Variants in CACNA1I observed in about 807,000 individuals in gnomAD.
CACNA1I encodes the protein voltage-dependent T-type calcium channel subunit alpha-1I.
A neutral mutation model predicts 201.6 loss-of-function variants in CACNA1I; 74 were observed. That is an observed-to-expected ratio of 0.37 (90% CI 0.30 to 0.45). The LOEUF is 0.45. CACNA1I is among the 20% of genes least tolerant of loss of function. CACNA1I has a pLI of 1.00. For missense variants in CACNA1I, 2,346 were observed against 3,138.1 expected (o/e 0.75, Z 6.03); for synonymous variants, 1,431 against 1,345.2 (o/e 1.06, Z -1.40).
Position 39,658,269 on chromosome 22 carries a change from TACA to T in CACNA1I, c.2114_2116del (p.Asn705del). The T allele has an allele frequency of 6.2e-7, 1 of 1,613,870 alleles. No individual in the cohort carries two copies. The highest frequency in any genetic ancestry group is 8.5e-7 in the Non-Finnish European group (1 of 1,179,866). On this transcript the variant is annotated inframe_deletion, in exon 11 of 37. Transcript: ENST00000402142. ...GCTCTTCGACTACCTGCGTAACCCC[TACA>T]ACATCTTCGACAGCATCATTGTCAT...
At chr22:39,653,835 G>T (rs890942705) in intron 10 of CACNA1I, among the ~76,000 whole-genome samples, 1 of 152,234 alleles carries the variant, frequency 6.6e-6, no homozygotes, top group Admixed American at 6.5e-5. Flanking sequence ...GGCAGCAGAT[G>T]CTGTTTCTTG....
At position 39,662,071 on chromosome 22, in the gene CACNA1I, A is replaced by G; in HGVS notation, c.3008A>G (p.His1003Arg). 6.5e-7 allele frequency: 1 copy of G among 1,549,746 alleles called. No homozygotes were observed. The highest frequency in any genetic ancestry group is 8.7e-7 in the Non-Finnish European group (1 of 1,151,768). Residue 1003 changes from histidine (H) to arginine (R), a missense_variant, in exon 17 of 37, where the codon CAT (histidine) becomes CGT (arginine). By Grantham distance (29) the His-to-Arg change is conservative. Coordinates refer to ENST00000402142, the MANE Select transcript of CACNA1I (RefSeq NM_021096.4). ...AAGCACAAGCCGCCGTCGGCGGAGC[A>G]TGAGTCCCTGCTCTCTGCGGAGCGC... ...SLKHKPPSAE[H>R]ESLLSAERGG...
chr22:39,592,232 G>A (rs1932830700), intron 1 of CACNA1I, among the ~76,000 whole-genome samples: 2 of 152,208 alleles, frequency 1.3e-5, no homozygotes, highest in Non-Finnish European at 2.9e-5. Context: ...CTCCATCTGT[G>A]TTCCTCAAAG....
At chr22:39,603,305 C>A (rs546233548) in intron 3 of CACNA1I, among the ~76,000 whole-genome samples, 3 of 152,170 alleles carry the variant, frequency 2.0e-5, no homozygotes, top group Non-Finnish European at 2.9e-5. Flanking sequence ...TGCCTTTCCC[C>A]TTTTCTTTCA....
chr22:39,627,241 C>G (rs1352681431), intron 4 of CACNA1I, among the ~76,000 whole-genome samples: 1 of 152,234 alleles, frequency 6.6e-6, no homozygotes, highest in Non-Finnish European at 1.5e-5. Context: ...CCTTCCATCT[C>G]CCCCCTCAGC....
rs1271567323 is a variant in CACNA1I, at chr22:39,646,672, G to A, written c.1253G>A (p.Arg418His). 5 of 1,582,208 alleles carry A rather than the reference G, an allele frequency of 3.2e-6. No homozygotes were observed. The African/African-American group carries it at 4.0e-5, about 13-fold the overall frequency. The change falls in exon 8 of 37, where the codon CGC (arginine) becomes CAC (histidine). Residue 418 changes from arginine (R) to histidine (H), a missense_variant. Transcript: ENST00000402142. Reference sequence around the variant, plus strand: ...CGGCTGATGCTGGAGCAGCGGCAGCGCTACCTGTCCTCCAGCACGGTGGCC... The same window carrying A: ...CGGCTGATGCTGGAGCAGCGGCAGCACTACCTGTCCTCCAGCACGGTGGCC... ...EHRLMLEQRQ[R>H]YLSSSTVASY... is the part of the protein sequence containing the mutation.
Position 39,618,365 on chromosome 22 carries a change from G to A in CACNA1I, c.483-945G>A, listed in dbSNP as rs959652331. On this transcript the variant is annotated intron_variant, in intron 3 of 36. Transcript: ENST00000402142. ...TGTTTGTGGGTGTGTGGTTGTGTGC[G>A]TGTGTGACTGTGTGCATGGGTGTGA... 2.0e-5 allele frequency among the ~76,000 whole-genome samples: 3 copies of A among 151,578 alleles called. No individual in the cohort carries two copies. In the East Asian group the frequency reaches 5.8e-4, roughly 29 times the overall value.
chr22:39,600,975 A>G (rs928753993), intron 3 of CACNA1I, among the ~76,000 whole-genome samples: 32 of 152,128 alleles, frequency 2.1e-4, no homozygotes, highest in African/African-American at 7.0e-4. Flanking sequence ...CGTCAAAATG[A>G]GCACCCAATA....
chr22:39,626,883 T>C (rs937474027), intron 4 of CACNA1I, among the ~76,000 whole-genome samples: 1 of 152,232 alleles, frequency 6.6e-6, no homozygotes, highest in Non-Finnish European at 1.5e-5. Flanking sequence ...GACAAGCTCA[T>C]CACAGTGCTT....
At chr22:39,621,715 G>C (rs1933749035) in intron 4 of CACNA1I, among the ~76,000 whole-genome samples, 1 of 152,120 alleles carries the variant, frequency 6.6e-6, no homozygotes, top group African/African-American at 2.4e-5. Flanking sequence ...AGGGTCTTGG[G>C]GAAGGGTTTG....
At chr22:39,583,978 G>A (rs985067477) in intron 1 of CACNA1I, among the ~76,000 whole-genome samples, 1 of 152,248 alleles carries the variant, frequency 6.6e-6, no homozygotes, top group African/African-American at 2.4e-5. Flanking sequence ...CCTGAGATGA[G>A]GCTGGAGGGA....
In CACNA1I at chr22:39,664,694, C is replaced by A. The variant is rs2146454986; in HGVS notation, c.3667-45C>A. On this transcript the variant is annotated intron_variant, in intron 20 of 36. Coordinates refer to ENST00000402142, the MANE Select transcript of CACNA1I (RefSeq NM_021096.4). ...GCCCGGTTGGCCCCGCCCACCTGCC[C>A]GCCCCTCCCGCGGCAGCCTGACCCC... 5 of 869,332 alleles carry A rather than the reference C, an allele frequency of 5.8e-6. No individual in the cohort carries two copies. The African/African-American group carries it at 6.9e-5, about 12-fold the overall frequency. The allele number at this position is 869,332 out of a possible 1,614,324, so 53.9% of individuals were successfully genotyped here.
chr22:39,644,330 G>A (rs1934424031), intron 7 of CACNA1I, among the ~76,000 whole-genome samples: 1 of 152,196 alleles, frequency 6.6e-6, no homozygotes, highest in East Asian at 1.9e-4. Flanking sequence ...ATTGTGAAAT[G>A]GGGGACAGTG....
intron 3 of CACNA1I, among the ~76,000 whole-genome samples, chr22:39,609,113 G>A (rs1240659196): frequency 6.6e-6 from 1 of 152,208 alleles, no homozygotes; most frequent in African/African-American, 2.4e-5. Context: ...GAATAAGGAC[G>A]CTGACTGCTG....
Position 39,662,247 on chromosome 22 carries a change from A to T in CACNA1I, c.3184A>T (p.Arg1062Trp), listed in dbSNP as rs1301192258. The change falls in exon 17 of 37, where the codon AGG becomes TGG. Residue 1062 changes from arginine (R) to tryptophan (W), a missense_variant. Coordinates refer to ENST00000402142, the MANE Select transcript of CACNA1I (RefSeq NM_021096.4). Reference sequence around the variant, plus strand: ...CCGCCGGACGCTGTCCCTCGACAACAGGGACTCGGTGGACCTGGCCGAGCT... The same window carrying T: ...CCGCCGGACGCTGTCCCTCGACAACTGGGACTCGGTGGACCTGGCCGAGCT... The part of the protein sequence containing the change: ...HHRRTLSLDN[R>W]DSVDLAELVP... 2 of 1,527,640 alleles carry T rather than the reference A, an allele frequency of 1.3e-6. No individual in the cohort carries two copies. Among genetic ancestry groups the T allele is most frequent in the African/African-American group, 2.8e-5 (2 of 70,214 alleles). The allele number at this position is 1,527,640 out of a possible 1,614,324, so 94.6% of individuals were successfully genotyped here.
Position 39,681,058 on chromosome 22 carries a change from C to A in CACNA1I, c.5664+6C>A. ...CTGGCCGCAAAGACAGCAAGGTCAG[C>A]TCCCCTGGGGACTCCTGAGCAGGCG... On this transcript the variant is annotated splice_donor_region_variant and intron_variant, in intron 34 of 36. Coordinates refer to ENST00000402142, the MANE Select transcript of CACNA1I (RefSeq NM_021096.4). The A allele has an allele frequency of 1.2e-6, 2 of 1,608,054 alleles. No homozygotes were observed. The highest frequency in any genetic ancestry group is 2.2e-5 in the South Asian group (2 of 90,448).
intron 14 of CACNA1I, 112 bp from the exon 15 acceptor site, chr22:39,660,232 G>C: frequency 1.3e-6 from 1 of 750,156 alleles, no homozygotes. Flanking sequence ...CCAAACCTCA[G>C]TTTTCCCATT....
chr22:39,675,733 G>A (rs1310770819), intron 29 of CACNA1I, among the ~76,000 whole-genome samples: 1 of 152,176 alleles, frequency 6.6e-6, no homozygotes, highest in African/African-American at 2.4e-5. Context: ...TCTCAGGGGA[G>A]GTGACCCATG....
rs548738632 is a variant in CACNA1I, at chr22:39,666,423, C to T, written c.4104+417C>T. Among the ~76,000 whole-genome samples the T allele has an allele frequency of 1.2e-4, 19 of 152,272 alleles. No individual in the cohort carries two copies. In the East Asian group the frequency reaches 1.7e-3, roughly 14 times the overall value. ...TATAGCCTGCCAGGCAGGCTGCGGTCGAGATGAAAGGATATCAAGCCCTTG... is the reference window on the plus strand; with the variant it reads ...TATAGCCTGCCAGGCAGGCTGCGGTTGAGATGAAAGGATATCAAGCCCTTG... On this transcript the variant is annotated intron_variant, in intron 23 of 36. Transcript: ENST00000402142. This position sits in a 1 kb window ranked among gnomAD's most constrained non-coding sequence, Gnocchi z 4.1.
Sources: gnomAD v4.1 joint callset for allele counts (sites outside exome capture counted in the v4.1 genomes callset) on GRCh38, gnomAD v4.1.1 for gene constraint, Gnocchi (gnomAD v3.1) non-coding constraint, MANE v1.5 for transcripts, NCBI Gene and HGNC (gene_info 2026-07-23, HGNC 2026-07-21) for gene names.